TDRD6: variants seen among roughly 807,000 people sequenced by gnomAD.
TDRD6 encodes the protein tudor domain containing 6.
Under a neutral mutation model 157.5 loss-of-function variants are expected in TDRD6, and 186 were observed. The observed-to-expected ratio is 1.18, with a 90% confidence interval of 1.05 to 1.33. TDRD6 has a LOEUF of 1.33. Among genes scored for constraint, TDRD6 ranks in the 40% most tolerant of loss-of-function variants. The pLI is 0.00. For missense variants in TDRD6, 3,066 were observed against 2,508.0 expected (o/e 1.22, Z -4.75); for synonymous variants, 1,075 against 945.2 (o/e 1.14, Z -2.52).
Position 46,688,480 on chromosome 6 carries a change from G to C in TDRD6, c.352G>C (p.Glu118Gln). 2 of 1,551,502 alleles carry C rather than the reference G, an allele frequency of 1.3e-6. No individual in the cohort carries two copies. The highest frequency in any genetic ancestry group is 1.7e-6 in the Non-Finnish European group (2 of 1,150,954). Residue 118 changes from glutamate (E) to glutamine (Q), a missense_variant, in exon 1 of 4, where the codon GAG (glutamate) becomes CAG (glutamine). Glu to Gln is a conservative substitution (Grantham distance 29). Transcript: ENST00000316081. ...GAGSLAPGRR[E>Q]FFNLPSEVLG... ...AGGCTCGCTGGCGCCTGGGCGCAGA[G>C]AGTTCTTCAATTTGCCCTCGGAAGT...
chr6:46,694,161 A>G lies in TDRD6; in HGVS notation c.6033A>G (p.Pro2011=), dbSNP rs758528911. The G allele has an allele frequency of 5.2e-6, 8 of 1,539,720 alleles. No individual in the cohort carries two copies. The highest frequency in any genetic ancestry group is 4.3e-5 in the Admixed American group (2 of 46,384). ...SDGSKHNNGL[P]DHISAQLQNT... is the part of the protein sequence containing the mutation. ...GAAGCAAGCACAATAATGGTTTACC[A>G]GATCATATCTCAGGTATGTGAATTT... Residue 2011 remains proline (P), a synonymous_variant, in exon 1 of 4, where the codon CCA becomes CCG. Transcript: ENST00000316081.
Position 46,693,625 on chromosome 6 carries a change from A to G in TDRD6, c.5497A>G (p.Asn1833Asp). 1 of 1,614,196 alleles carries G rather than the reference A, an allele frequency of 6.2e-7. No individual in the cohort carries two copies. Among genetic ancestry groups the G allele is most frequent in the Non-Finnish European group, 8.5e-7 (1 of 1,180,042 alleles). The change falls in exon 1 of 4, where the codon AAT becomes GAT. Residue 1833 changes from asparagine (N) to aspartate (D), a missense_variant. Physicochemically the swap from Asn to Asp is conservative, Grantham distance 23. Coordinates refer to ENST00000316081, the MANE Select transcript of TDRD6 (RefSeq NM_001010870.3). ...ANETKEILEL[N>D]SLEVPLSPDD... ...TGAAACAAAGGAGATACTAGAACTG[A>G]ATTCACTTGAGGTGCCGCTTTCTCC...
Position 46,688,054 on chromosome 6 carries a change from G to C in TDRD6, c.-75G>C. The stretch of plus-strand genomic sequence containing the variant: ...TAGTTTGGCTGGGACTCGCCTTCAG[G>C]CGGCGCGGAGGATTTCGAGGCCCTG... On this transcript the variant is annotated 5_prime_UTR_variant, in exon 1 of 4. Transcript: ENST00000316081. 1 of 1,397,072 alleles carries C rather than the reference G, an allele frequency of 7.2e-7. No homozygotes were observed. Among genetic ancestry groups the C allele is most frequent in the Non-Finnish European group, 9.2e-7 (1 of 1,083,926 alleles). The allele number at this position is 1,397,072 out of a possible 1,614,324, so 86.5% of individuals were successfully genotyped here.
At position 46,690,601 on chromosome 6, in the gene TDRD6, G is replaced by C. The variant is rs748890809; in HGVS notation, c.2473G>C (p.Ala825Pro). 1 of 1,614,158 alleles carries C rather than the reference G, an allele frequency of 6.2e-7. No homozygotes were observed. Among genetic ancestry groups the C allele is most frequent in the South Asian group, 1.1e-5 (1 of 91,074 alleles). ...PHQRNTLACL[A>P]KRTVNRQWSR... ...CCAGAGAAACACCCTTGCTTGTTTG[G>C]CTAAGCGAACAGTAAACAGACAGTG... Residue 825 changes from alanine (A) to proline (P), a missense_variant, in exon 1 of 4, where the codon GCT becomes CCT. By Grantham distance (27) the Ala-to-Pro change is conservative (BLOSUM62 -1). Transcript: ENST00000316081.
rs939030648 is a variant in TDRD6 at position 46,688,084 on chromosome 6, G to A, written c.-45G>A. ...GCGGAGGATTTCGAGGCCCTGAGGC[G>A]CGGCCCTTAATTTCCGGAAGTGGGG... is the stretch of plus-strand genomic sequence containing the variant. On this transcript the variant is annotated 5_prime_UTR_variant, in exon 1 of 4. Coordinates refer to ENST00000316081, the MANE Select transcript of TDRD6 (RefSeq NM_001010870.3). The A allele has an allele frequency of 1.4e-6, 2 of 1,434,932 alleles. No homozygotes were observed. Among genetic ancestry groups the A allele is most frequent in the African/African-American group, 1.5e-5 (1 of 66,440 alleles). The allele number at this position is 1,434,932 out of a possible 1,614,324, so 88.9% of individuals were successfully genotyped here.
In TDRD6 at chr6:46,689,334, C is replaced by CAAGGCA. The variant is rs751839045; in HGVS notation, c.1207_1212dup (p.Lys403_Ala404dup). Reference sequence around the variant, plus strand: ...GTGACCTGAAGACACTGATACTAGGCAAGGCAGTGAATGCAAAGATTGAAT... The same window carrying CAAGGCA: ...GTGACCTGAAGACACTGATACTAGGCAAGGCAAAGGCAGTGAATGCAAAGATTGAAT... On this transcript the variant is annotated inframe_insertion, in exon 1 of 4. Coordinates refer to ENST00000316081, the MANE Select transcript of TDRD6 (RefSeq NM_001010870.3). 1.3e-4 allele frequency: 206 copies of CAAGGCA among 1,614,010 alleles called. No individual in the cohort carries two copies. The highest frequency in any genetic ancestry group is 1.6e-4 in the Non-Finnish European group (192 of 1,180,036).
rs1764683129 is a variant in TDRD6 at position 46,703,739 on chromosome 6, T to A, written c.*1852T>A. The stretch of plus-strand genomic sequence containing the variant: ...TAGAATTGAAAACATTAAATAAAAT[T>A]AACTGGAATATGAAGAAGCTAAATG... On this transcript the variant is annotated 3_prime_UTR_variant, in exon 4 of 4. Coordinates refer to ENST00000316081, the MANE Select transcript of TDRD6 (RefSeq NM_001010870.3). 6.6e-6 allele frequency: 1 copy of A among 152,112 alleles called. No homozygotes were observed. The highest frequency in any genetic ancestry group is 1.5e-5 in the Non-Finnish European group (1 of 67,980). 9.4% of individuals were successfully genotyped at this position (152,112 alleles called of 1,614,324 possible).
chr6:46,692,355 A>C lies in TDRD6; in HGVS notation c.4227A>C (p.Ala1409=). 6.2e-7 allele frequency: 1 copy of C among 1,614,204 alleles called. No homozygotes were observed. The highest frequency in any genetic ancestry group is 8.5e-7 in the Non-Finnish European group (1 of 1,180,038). ...TAGGTAGGCTTGACCTTGTTAATGC[A>C]ATATTGCCGGGGTTGTGCATTCATT... ...NKIGRLDLVN[A]ILPGLCIHCS... is the part of the protein sequence containing the mutation. Residue 1409 remains alanine (A), a synonymous_variant, in exon 1 of 4, where the codon GCA becomes GCC. Coordinates refer to ENST00000316081, the MANE Select transcript of TDRD6 (RefSeq NM_001010870.3).
intron 1 of TDRD6, among the ~76,000 whole-genome samples, chr6:46,695,112 T>C (rs1251668979): frequency 1.3e-5 from 2 of 152,236 alleles, no homozygotes; most frequent in East Asian, 3.9e-4. Context: ...TAAATGTCAA[T>C]TTTTATATTA....
In TDRD6 at chr6:46,688,061, G is replaced by T; in HGVS notation, c.-68G>T. The T allele has an allele frequency of 2.8e-6, 4 of 1,409,378 alleles. No homozygotes were observed. Among genetic ancestry groups the T allele is most frequent in the Non-Finnish European group, 3.7e-6 (4 of 1,090,116 alleles). 87.3% of individuals were successfully genotyped at this position (1,409,378 alleles called of 1,614,324 possible). A position where few individuals can be genotyped will look rare whatever the true frequency, so the allele number is the denominator to read the frequency against. On this transcript the variant is annotated 5_prime_UTR_variant, in exon 1 of 4. Transcript: ENST00000316081. ...GCTGGGACTCGCCTTCAGGCGGCGC[G>T]GAGGATTTCGAGGCCCTGAGGCGCG... is the stretch of plus-strand genomic sequence containing the variant.
rs1468653628 is a variant in TDRD6, at chr6:46,690,477, C to T, written c.2349C>T (p.Asn783=). Residue 783 remains asparagine, a synonymous_variant, in exon 1 of 4, where the codon AAC becomes AAT. Coordinates refer to ENST00000316081, the MANE Select transcript of TDRD6 (RefSeq NM_001010870.3). The part of the protein sequence containing the change: ...TVEVRVSYVE[N]PGYFWCQLTR... ...AAGTCAGAGTGTCTTATGTTGAAAA[C>T]CCTGGCTATTTCTGGTGTCAGCTGA... The T allele has an allele frequency of 6.2e-7, 1 of 1,614,082 alleles. No individual in the cohort carries two copies. The highest frequency in any genetic ancestry group is 8.5e-7 in the Non-Finnish European group (1 of 1,179,960).
chr6:46,690,563 C>T lies in TDRD6; in HGVS notation c.2435C>T (p.Thr812Ile), dbSNP rs1764277641. 1 of 1,614,174 alleles carries T rather than the reference C, an allele frequency of 6.2e-7. No individual in the cohort carries two copies. Among genetic ancestry groups the T allele is most frequent in the Non-Finnish European group, 8.5e-7 (1 of 1,180,024 alleles). Residue 812 changes from threonine (T) to isoleucine (I), a missense_variant, in exon 1 of 4, where the codon ACA (threonine) becomes ATA (isoleucine). Physicochemically the swap from Thr to Ile is moderately conservative, Grantham distance 89 (BLOSUM62 -1). Transcript: ENST00000316081. ...GATATTCAGTACTATTGCAAAAATA[C>T]AGCTGCTCCTCACCAGAGAAACACC... ...MSDIQYYCKN[T>I]AAPHQRNTLA...
In TDRD6 at chr6:46,694,144, C is replaced by G; in HGVS notation, c.6016C>G (p.His2006Asp). ...GGAAGAAAGCAGTGATGGAAGCAAGCACAATAATGGTTTACCAGATCATAT... is the reference window on the plus strand; with the variant it reads ...GGAAGAAAGCAGTGATGGAAGCAAGGACAATAATGGTTTACCAGATCATAT... ...SEEESSDGSK[H>D]NNGLPDHISA... Residue 2006 changes from histidine (H) to aspartate (D), a missense_variant, in exon 1 of 4, where the codon CAC becomes GAC. By Grantham distance (81) the His-to-Asp change is moderately conservative. Transcript: ENST00000316081. 6.3e-7 allele frequency: 1 copy of G among 1,582,928 alleles called. No individual in the cohort carries two copies. Among genetic ancestry groups the G allele is most frequent in the South Asian group, 1.2e-5 (1 of 84,996 alleles).
rs1764357308 is a variant in TDRD6 at position 46,692,383 on chromosome 6, T to C, written c.4255T>C (p.Ser1419Pro). Residue 1419 changes from serine (S) to proline (P), a missense_variant, in exon 1 of 4, where the codon TCC becomes CCC. Physicochemically the swap from Ser to Pro is moderately conservative, Grantham distance 74. Transcript: ENST00000316081. ...AILPGLCIHC[S>P]LQGFEVPDNK... ...ATTGCCGGGGTTGTGCATTCATTGC[T>C]CCTTGCAGGGATTTGAGGTTCCTGA... The C allele has an allele frequency of 2.5e-6, 4 of 1,614,086 alleles. No homozygotes were observed. The highest frequency in any genetic ancestry group is 1.3e-5 in the African/African-American group (1 of 74,938).
In TDRD6 at chr6:46,690,529, C is replaced by G. The variant is rs949764203; in HGVS notation, c.2401C>G (p.Leu801Val). ...LTRNIQGLKTLMSDIQYYCKN... is the reference protein window; with the variant it reads ...LTRNIQGLKTVMSDIQYYCKN... ...CAGGAACATACAAGGACTTAAAACT[C>G]TAATGTCTGATATTCAGTACTATTG... The change falls in exon 1 of 4, where the codon CTA (leucine) becomes GTA (valine). Residue 801 changes from leucine to valine, a missense_variant. By Grantham distance (32) the Leu-to-Val change is conservative. Coordinates refer to ENST00000316081, the MANE Select transcript of TDRD6 (RefSeq NM_001010870.3). The G allele has an allele frequency of 1.4e-5, 22 of 1,614,066 alleles. No homozygotes were observed. The highest frequency in any genetic ancestry group is 3.3e-5 in the Admixed American group (2 of 60,002).
At chr6:46,683,430 A>C (rs1297758924), upstream of TDRD6, among the ~76,000 whole-genome samples, 1 of 152,020 alleles carries the variant, frequency 6.6e-6, no homozygotes, top group African/African-American at 2.4e-5. Context: ...TAAAAGATTT[A>C]GTGGAACAAT....
upstream of TDRD6, among the ~76,000 whole-genome samples, chr6:46,685,433 A>C (rs1236772473): frequency 6.6e-6 from 1 of 152,222 alleles, no homozygotes; most frequent in Non-Finnish European, 1.5e-5. Flanking sequence ...AGTATGATTT[A>C]TTTAGCCCAA....
At position 46,689,535 on chromosome 6, in the gene TDRD6, A is replaced by G. The variant is rs1764240158; in HGVS notation, c.1407A>G (p.Val469=). The G allele has an allele frequency of 1.9e-6, 3 of 1,614,138 alleles. No individual in the cohort carries two copies. Among genetic ancestry groups the G allele is most frequent in the Non-Finnish European group, 2.5e-6 (3 of 1,180,042 alleles). ...AGTCTCAGTCTCCTGCTGAAGAAGT[A>G]GATGAAGAGATTTCACTCCCAGCCT... is the stretch of plus-strand genomic sequence containing the variant. ...TSQSQSPAEE[V]DEEISLPALR... The change falls in exon 1 of 4, where the codon GTA becomes GTG. Residue 469 remains valine, a synonymous_variant. Transcript: ENST00000316081.
intron 1 of TDRD6, among the ~76,000 whole-genome samples, chr6:46,695,445 ACT>A (rs1427404379): frequency 6.6e-6 from 1 of 152,062 alleles, no homozygotes; most frequent in African/African-American, 2.4e-5. Context: ...AATAGTATTA[ACT>A]CTGTGATAAG....
Sources: gnomAD v4.1 joint callset for allele counts (sites outside exome capture counted in the v4.1 genomes callset) on GRCh38, gnomAD v4.1.1 for gene constraint, MANE v1.5 for transcripts, NCBI Gene and HGNC (gene_info 2026-07-23, HGNC 2026-07-21) for gene names.